Variants in ZNF516 observed in about 807,000 individuals in gnomAD.
ZNF516 encodes zinc finger protein 516.
In ZNF516, 19 loss-of-function variants were observed where a neutral mutation model predicts 79.7. The ratio of observed to expected loss-of-function variants is 0.24; its 90% confidence interval spans 0.17 to 0.35. The LOEUF is 0.35. Ranked by LOEUF, ZNF516 falls within the 10% of genes least tolerant of loss-of-function variation. The probability of loss-of-function intolerance (pLI) is 1.00; values close to 1 mark genes in which losing one functional copy is unlikely to be tolerated. For missense variants in ZNF516, 1,678 were observed against 1,679.5 expected, an observed-to-expected ratio of 1.00 and a Z score of 0.02; for synonymous variants, 877 against 739.5, an observed-to-expected ratio of 1.19 and a Z score of -3.02.
intron 1 of ZNF516, among the ~76,000 whole-genome samples, chr18:76,479,112 G>A (rs1371314746): frequency 1.3e-5 from 2 of 151,934 alleles, no homozygotes; most frequent in African/African-American, 4.8e-5. Flanking sequence ...TCTCAGAACA[G>A]ACCTGGAACA....
intron 1 of ZNF516, chr18:76,492,086 A>G (rs2145843606): frequency 1.1e-6 from 1 of 880,284 alleles, no homozygotes; most frequent in African/African-American, 1.8e-5. Context: ...GGTCCCTCCC[A>G]GGGGTCTCCC....
intron 3 of ZNF516, among the ~76,000 whole-genome samples, chr18:76,436,205 G>A (rs536348135): frequency 6.6e-6 from 1 of 152,284 alleles, no homozygotes; most frequent in Admixed American, 6.5e-5. Context: ...GTTTAATAGA[G>A]GGCCCCAATG....
Position 76,448,691 on chromosome 18 carries a change from C to T in ZNF516, c.-157-5480G>A, listed in dbSNP as rs536797784. ...CCTTAGAGGTGTTCCAGTCCTAGGG[C>T]GGTGCGGTCAGGGGCTAACGAGGGT... On this transcript the variant is annotated intron_variant, in intron 2 of 6. Transcript: ENST00000443185. Among the ~76,000 whole-genome samples, 6 of 152,258 alleles carry T rather than the reference C, an allele frequency of 3.9e-5. No homozygotes were observed. In the East Asian group the frequency reaches 5.8e-4, roughly 15 times the overall value.
At chr18:76,418,392 ATAAC>A (rs1568275061) in intron 3 of ZNF516, among the ~76,000 whole-genome samples, 1 of 152,136 alleles carries the variant, frequency 6.6e-6, no homozygotes. Context: ...CTGTAACACT[ATAAC>A]AAACTATAAC....
At chr18:76,414,588 TTTTC>T (rs2075410362) in intron 3 of ZNF516, among the ~76,000 whole-genome samples, 1 of 152,230 alleles carries the variant, frequency 6.6e-6, no homozygotes, top group Non-Finnish European at 1.5e-5. Flanking sequence ...TCTTTTCAGG[TTTTC>T]TTTAACTTTC....
At chr18:76,410,226 A>AG (rs2075358277) in intron 3 of ZNF516, among the ~76,000 whole-genome samples, 1 of 152,236 alleles carries the variant, frequency 6.6e-6, no homozygotes, top group Non-Finnish European at 1.5e-5. Context: ...GGGAAGTATG[A>AG]GGGCTCGCCA....
Position 76,379,709 on chromosome 18 carries a change from C to T in ZNF516, c.2405G>A (p.Ser802Asn). 5.6e-6 allele frequency: 9 copies of T among 1,613,800 alleles called. No homozygotes were observed. Among genetic ancestry groups the T allele is most frequent in the Non-Finnish European group, 7.6e-6 (9 of 1,179,896 alleles). ...AAGGAAAACCAAATTGCTTCTGATG[C>T]TTTTGTAACCATTGGGCTGAATCCA... ...PPWIQPNGYK[S>N]IRSNLVFLSR... The change falls in exon 4 of 7, where the codon AGC becomes AAC. Residue 802 changes from serine (S) to asparagine (N), a missense_variant. Physicochemically the swap from Ser to Asn is conservative, Grantham distance 46. This residue lies in a region of ZNF516 where 1,294 missense variants were observed against 1,248.3 expected (regional missense o/e 1.04). Transcript: ENST00000443185.
Position 76,436,155 on chromosome 18 carries a change from G to C in ZNF516, c.1810+5090C>G, listed in dbSNP as rs527993462. On this transcript the variant is annotated intron_variant, in intron 3 of 6. Transcript: ENST00000443185. ...ACCTGTCTGGATACTAAGGGGGGCT[G>C]GCCTTCTGCTTTTTACCTTTACCCA... 1.9e-3 allele frequency among the ~76,000 whole-genome samples: 295 copies of C among 152,306 alleles called. 1 individual carries two copies. The highest frequency in any genetic ancestry group is 6.4e-3 in the African/African-American group (267 of 41,576).
At chr18:76,380,530 T>G (rs771498021) in intron 3 of ZNF516, among the ~76,000 whole-genome samples, 1 of 152,022 alleles carries the variant, frequency 6.6e-6, no homozygotes, top group Non-Finnish European at 1.5e-5. Context: ...ACCTGAAAGA[T>G]CACAGGGAAA....
At chr18:76,425,045 C>T (rs763490996) in intron 3 of ZNF516, among the ~76,000 whole-genome samples, 6 of 151,334 alleles carry the variant, frequency 4.0e-5, no homozygotes, top group East Asian at 3.9e-4. Flanking sequence ...AACACACACA[C>T]GCAGGTGAAA....
chr18:76,375,787 C>G (rs1269916319), intron 4 of ZNF516, among the ~76,000 whole-genome samples: 1 of 144,836 alleles, frequency 6.9e-6, no homozygotes. Context: ...GGGAAGGCCC[C>G]AAAGACCAGG....
rs186601529 is a variant in ZNF516 at position 76,445,891 on chromosome 18, G to A, written c.-157-2680C>T. Among the ~76,000 whole-genome samples the A allele has an allele frequency of 4.5e-4, 69 of 152,356 alleles. 1 individual carries two copies. In the East Asian group the frequency reaches 6.2e-3, roughly 14 times the overall value. ...CAATCACCAAAACCCTGTGCTCTAG[G>A]GCTATCAGCTCCTGCCTTCTTTCAG... On this transcript the variant is annotated intron_variant, in intron 2 of 6. Transcript: ENST00000443185.
At chr18:76,385,297 C>T (rs575878285) in intron 3 of ZNF516, among the ~76,000 whole-genome samples, 42 of 152,308 alleles carry the variant, frequency 2.8e-4, no homozygotes, top group East Asian at 1.2e-3. Context: ...TGGCTGGTGC[C>T]GCACACCGCC....
intron 3 of ZNF516, among the ~76,000 whole-genome samples, chr18:76,395,573 G>A (rs187615445): frequency 3.9e-5 from 6 of 152,186 alleles, no homozygotes; most frequent in South Asian, 4.1e-4. Flanking sequence ...GGGCAGGTAC[G>A]GAATTCTGGC....
intron 3 of ZNF516, among the ~76,000 whole-genome samples, chr18:76,430,779 A>C (rs1341672090): frequency 1.3e-5 from 2 of 152,262 alleles, no homozygotes; most frequent in Non-Finnish European, 2.9e-5. Flanking sequence ...AAAGAACATG[A>C]GTAACACTCA....
In ZNF516 at chr18:76,442,991, G is replaced by A. The variant is rs375559787; in HGVS notation, c.64C>T (p.Arg22Trp). Residue 22 changes from arginine (R) to tryptophan (W), a missense_variant, in exon 3 of 7, where the codon CGG becomes TGG. This residue lies in a region of ZNF516 where 62 missense variants were observed against 58.9 expected (regional missense o/e 1.05). Transcript: ENST00000443185. Reference protein sequence around the residue: ...RRGPSPTRAGRGHEVDGDKAT... With the variant: ...RRGPSPTRAGWGHEVDGDKAT... Reference sequence around the variant, plus strand: ...TTGTCCCCATCCACCTCGTGGCCCCGGCCGGCCCTGGTGGGGCTGGGGCCT... The same window carrying A: ...TTGTCCCCATCCACCTCGTGGCCCCAGCCGGCCCTGGTGGGGCTGGGGCCT... The A allele has an allele frequency of 2.8e-4, 445 of 1,603,030 alleles. 6 individuals are homozygous for A. In the South Asian group the frequency reaches 3.4e-3, roughly 12 times the overall value.
chr18:76,455,599 TTG>T (rs1438633970), intron 2 of ZNF516, among the ~76,000 whole-genome samples: 1 of 152,214 alleles, frequency 6.6e-6, no homozygotes, highest in Non-Finnish European at 1.5e-5. Flanking sequence ...CAGCCCAGGC[TTG>T]TGTTTCCAGA....
chr18:76,470,375 T>A (rs1192759267), intron 1 of ZNF516, among the ~76,000 whole-genome samples: 1 of 152,202 alleles, frequency 6.6e-6, no homozygotes, highest in Middle Eastern at 3.2e-3. Context: ...AACACAAGTA[T>A]GCTTTAACAG....
rs1299213444 is a variant in ZNF516, at chr18:76,493,143, AAAC to A, written c.-272+1998_-272+2000del. On this transcript the variant is annotated intron_variant, in intron 1 of 6. Coordinates refer to ENST00000443185, the MANE Select transcript of ZNF516 (RefSeq NM_014643.4). This position sits in a 1 kb window ranked among gnomAD's most constrained non-coding sequence, Gnocchi z 5.2. ...CTCCCTACCGTTTCATTTAATGGTA[AAAC>A]AACAGCAGAGCTCTGAAAGTTAGCC... The A allele has an allele frequency of 7.1e-6, 7 of 985,240 alleles. No individual in the cohort carries two copies. Among genetic ancestry groups the A allele is most frequent in the Admixed American group, 6.1e-5 (1 of 16,268 alleles). The allele number at this position is 985,240 out of a possible 1,614,324, so 61.0% of individuals were successfully genotyped here. A position where few individuals can be genotyped will look rare whatever the true frequency, so the allele number is the denominator to read the frequency against.
Sources: allele counts gnomAD v4.1 joint callset (sites outside exome capture counted in the v4.1 genomes callset), GRCh38; gene constraint gnomAD v4.1.1; regional missense constraint gnomAD v4.1.1; non-coding constraint Gnocchi (gnomAD v3.1); transcripts MANE v1.5; gene names NCBI Gene and HGNC (gene_info 2026-07-23, HGNC 2026-07-21).